The following GRK1 variants were observed in gnomAD, a reference collection of about 807,000 sequenced individuals.
GRK1 encodes the protein G protein-coupled receptor kinase 1, also known as rhodopsin kinase GRK1.
Under a neutral mutation model 41.7 loss-of-function variants are expected in GRK1, and 28 were observed. The observed-to-expected ratio is 0.67, with a 90% CI of 0.50 to 0.92. GRK1 has a LOEUF of 0.92. Ranked by LOEUF, GRK1 falls within the 40% of genes least tolerant of loss-of-function variation. The pLI is 0.00. For synonymous variants in GRK1, 327 were observed against 286.7 expected (o/e 1.14, Z -1.42); for missense variants, 703 against 671.2 (o/e 1.05, Z -0.52).
At chr13:113,732,192 T>C (rs2049942117) in intron 5 of GRK1, among the ~76,000 whole-genome samples, 1 of 152,144 alleles carries the variant, frequency 6.6e-6, no homozygotes, top group African/African-American at 2.4e-5. Context: ...TCAGGCTGCC[T>C]TGAGGTGCGG....
the GRK1 span, chr13:113,653,080 C>T: frequency 2.5e-4 from 404 of 1,604,094 alleles, no homozygotes; most frequent in Non-Finnish European, 3.1e-4. Flanking sequence ...AGCCTGCAGA[C>T]GGACGCACCT....
At chr13:113,733,953 TGCATACGTGTGTGTGCGTGTGTGC>T (rs2049977574) in intron 6 of GRK1, among the ~76,000 whole-genome samples, 1 of 147,856 alleles carries the variant, frequency 6.8e-6, no homozygotes, top group Non-Finnish European at 1.5e-5. Flanking sequence ...TGCGTGTGTG[TGCATACGTGTGTGTGCGTGTGTGC>T]GCATGTGTGT....
In GRK1 at chr13:113,671,471, T is replaced by G. The variant is rs780339037; in HGVS notation, c.828-28T>G. Reference sequence around the variant, plus strand: ...ATTTTACTCCCCATTAAACCCGGGGTGCATGGTTCCCACGTGTCTTCCCCC... The same window carrying G: ...ATTTTACTCCCCATTAAACCCGGGGGGCATGGTTCCCACGTGTCTTCCCCC... On this transcript the variant is annotated intron_variant, in intron 2 of 6. Transcript: ENST00000335678. The surrounding 1 kb of genome is among the most constrained non-coding windows in gnomAD (Gnocchi z 4.1). 1.3e-6 allele frequency: 1 copy of G among 777,208 alleles called. No individual in the cohort carries two copies. Among genetic ancestry groups the G allele is most frequent in the African/African-American group, 1.7e-5 (1 of 59,004 alleles). The allele number at this position is 777,208 out of a possible 1,614,324, so 48.1% of individuals were successfully genotyped here.
Position 113,669,714 on chromosome 13 carries a change from A to G in GRK1, c.727A>G (p.Met243Val). The part of the protein sequence containing the change: ...QGAMVEKKIL[M>V]KVHSRFIVSL... ...TGCTATGGTGGAGAAGAAGATTCTG[A>G]TGAAAGTACACAGCAGGTTCATCGT... Residue 243 changes from methionine (M) to valine (V), a missense_variant, in exon 2 of 7, where the codon ATG becomes GTG. Physicochemically the swap from Met to Val is conservative, Grantham distance 21. Coordinates refer to ENST00000335678, the MANE Select transcript of GRK1 (RefSeq NM_002929.3). The G allele has an allele frequency of 6.2e-7, 1 of 1,613,962 alleles. No homozygotes were observed.
the GRK1 span, among the ~76,000 whole-genome samples, chr13:113,661,343 G>A: frequency 6.6e-6 from 1 of 152,140 alleles, no homozygotes; most frequent in Middle Eastern, 3.4e-3. Flanking sequence ...CATAGCTAAA[G>A]CAGTATTAAG....
At chr13:113,670,289 C>T (rs1446291161) in intron 2 of GRK1, among the ~76,000 whole-genome samples, 1 of 151,850 alleles carries the variant, frequency 6.6e-6, no homozygotes, top group Non-Finnish European at 1.5e-5. Flanking sequence ...AAAGTCCTGC[C>T]CCGGATCTGC....
At chr13:113,655,415 A>G in the GRK1 span, among the ~76,000 whole-genome samples, 1 of 152,158 alleles carries the variant, frequency 6.6e-6, no homozygotes, top group South Asian at 2.1e-4. Context: ...CCACAAAGAC[A>G]TCAGGAAGAG....
chr13:113,730,855 A>G (rs893582250), intron 4 of GRK1, among the ~76,000 whole-genome samples: 2 of 152,338 alleles, frequency 1.3e-5, no homozygotes, highest in East Asian at 3.9e-4. Flanking sequence ...GGAAAATTCA[A>G]AAGAGAATGA....
intron 1 of GRK1, 117 bp downstream of exon 1, chr13:113,668,202 A>C: frequency 9.0e-7 from 1 of 1,115,770 alleles, no homozygotes; most frequent in Non-Finnish European, 1.3e-6. Context: ...GCTGGTGCCT[A>C]AGGGAGCATG....
At chr13:113,733,429 GAA>G (rs1399654196) in intron 6 of GRK1, among the ~76,000 whole-genome samples, 2 of 152,254 alleles carry the variant, frequency 1.3e-5, no homozygotes, top group African/African-American at 4.8e-5. Context: ...CTGCCGGGGA[GAA>G]AGTCATCCAC....
At chr13:113,655,320 CA>C in the GRK1 span, among the ~76,000 whole-genome samples, 1 of 152,170 alleles carries the variant, frequency 6.6e-6, no homozygotes, top group African/African-American at 2.4e-5. Context: ...TCCCCCATCA[CA>C]GGAAGGGAAA....
chr13:113,659,903 C>T, the GRK1 span, among the ~76,000 whole-genome samples: 2 of 152,188 alleles, frequency 1.3e-5, no homozygotes. Context: ...CTGGATGCAG[C>T]AACTGTTGTC....
chr13:113,733,609 GTGTATGTGTGTGCATACGTGTGTGCTCA>G lies in GRK1; in HGVS notation c.1396+535_1396+562del, dbSNP rs1397666772. On this transcript the variant is annotated intron_variant, in intron 6 of 6. Transcript: ENST00000335678. ...TACGTGTGTGTGCATGTGTGCGCAT[GTGTATGTGTGTGCATACGTGTGTGCTCA>G]TGTATGTGTGCATACGTGTGTGTGC... Among the ~76,000 whole-genome samples, 5 of 150,736 alleles carry G rather than the reference GTGTATGTGTGTGCATACGTGTGTGCTCA, an allele frequency of 3.3e-5. No individual in the cohort carries two copies. The East Asian group carries it at 5.9e-4, about 18-fold the overall frequency.
upstream of GRK1, chr13:113,667,178 A>G (rs2049823706): frequency 1.8e-6 from 1 of 544,894 alleles, no homozygotes; most frequent in Non-Finnish European, 3.2e-6. The surrounding 1 kb of genome is among the most constrained non-coding windows in gnomAD (Gnocchi z 7.5). Context: ...GCTGGGATTT[A>G]GCCTGGTGCT....
intron 2 of GRK1, among the ~76,000 whole-genome samples, chr13:113,670,736 G>A (rs113550944): frequency 9.0e-5 from 11 of 122,764 alleles, no homozygotes; most frequent in African/African-American, 1.6e-4. Flanking sequence ...GGGAGGGGGC[G>A]CTGGGAAACG....
At position 113,731,364 on chromosome 13, in the gene GRK1, GTC is replaced by G; in HGVS notation, c.1194+25_1194+26del. The G allele has an allele frequency of 6.5e-7, 1 of 1,536,536 alleles. No individual in the cohort carries two copies. The highest frequency in any genetic ancestry group is 1.2e-5 in the South Asian group (1 of 84,030). ...AGAAGGTAGGAGGCGGCCGGCAGGT[GTC>G]TCTGCAGCCACCTTGGCGCCCTGGC... is the stretch of plus-strand genomic sequence containing the variant. On this transcript the variant is annotated intron_variant, in intron 5 of 6. Coordinates refer to ENST00000335678, the MANE Select transcript of GRK1 (RefSeq NM_002929.3). This position sits in a 1 kb window ranked among gnomAD's most constrained non-coding sequence, Gnocchi z 5.6.
the GRK1 span, among the ~76,000 whole-genome samples, chr13:113,653,678 G>A: frequency 6.6e-6 from 1 of 152,212 alleles, no homozygotes; most frequent in African/African-American, 2.4e-5. Context: ...GGGGTGGGGG[G>A]TGGCTGGCTC....
Position 113,668,034 on chromosome 13 carries a change from T to C in GRK1, c.648T>C (p.Tyr216=). The C allele has an allele frequency of 1.2e-6, 2 of 1,611,614 alleles. No homozygotes were observed. Among genetic ancestry groups the C allele is most frequent in the Non-Finnish European group, 1.7e-6 (2 of 1,179,100 alleles). The change falls in exon 1 of 7, where the codon TAT becomes TAC. Residue 216 remains tyrosine, a synonymous_variant. Coordinates refer to ENST00000335678, the MANE Select transcript of GRK1 (RefSeq NM_002929.3). The stretch of plus-strand genomic sequence containing the variant: ...AGATGAAGGCGACCGGCAAGCTGTA[T>C]GCCTGCAAGAAGCTGAACAAGAAGC... The part of the protein sequence containing the change: ...ACQMKATGKL[Y]ACKKLNKKRL...
At chr13:113,651,526 A>G in the GRK1 span, 1 of 878,652 alleles carries the variant, frequency 1.1e-6, no homozygotes, top group Admixed American at 3.7e-5. Flanking sequence ...CGCTGTGGTG[A>G]TGGTTCGGTG....
Sources: gnomAD v4.1 joint callset for allele counts (sites outside exome capture counted in the v4.1 genomes callset) on GRCh38, gnomAD v4.1.1 for gene constraint, Gnocchi (gnomAD v3.1) non-coding constraint, MANE v1.5 for transcripts, NCBI Gene and HGNC (gene_info 2026-07-23, HGNC 2026-07-21) for gene names.